ZC3H12B: variants seen among roughly 807,000 people sequenced by gnomAD.
ZC3H12B encodes the protein zinc finger CCCH-type containing 12B.
A neutral mutation model predicts 43.9 loss-of-function variants in ZC3H12B; 7 were observed. That is an observed-to-expected ratio of 0.16 (90% CI 0.09 to 0.30). The LOEUF is 0.30. Ranked by LOEUF, ZC3H12B falls within the 10% of genes least tolerant of loss-of-function variation. The pLI, the probability that ZC3H12B is intolerant of heterozygous loss-of-function variation, is 1.00. For synonymous variants in ZC3H12B, 222 were observed against 241.7 expected, an observed-to-expected ratio of 0.92 and a Z score of 0.76; for missense variants, 475 against 670.2, an observed-to-expected ratio of 0.71 and a Z score of 3.22.
rs570569015 is a variant in ZC3H12B at position 65,441,699 on chromosome X, C to T, written n.407+42995C>T. On this transcript the variant is annotated intron_variant and non_coding_transcript_variant, in intron 3 of 5. Coordinates refer to the ZC3H12B transcript ENST00000617377. ...AACTAGACCTTCCTAAAAGTAATCG[C>T]ATTGTCCCTGCTGGTAAGGGTCCAC... Among the ~76,000 whole-genome samples, 346 of 111,820 alleles carry T rather than the reference C, an allele frequency of 3.1e-3. 1 individual carries two copies. The highest frequency in any genetic ancestry group is 5.5e-3 in the Non-Finnish European group (292 of 53,175).
At chrX:65,111,631 C>T in the ZC3H12B span, among the ~76,000 whole-genome samples, 1 of 109,668 alleles carries the variant, frequency 9.1e-6, no homozygotes, top group African/African-American at 3.3e-5. Context: ...TTTCCAAAAG[C>T]ATGTGTTGCA....
the ZC3H12B span, among the ~76,000 whole-genome samples, chrX:65,332,061 G>T: frequency 9.0e-6 from 1 of 110,818 alleles, no homozygotes; most frequent in Non-Finnish European, 1.9e-5. Flanking sequence ...GCCTTATCCT[G>T]GGAATGCAGC....
At chrX:65,427,934 A>G (rs1395558629) in intron 3 of ZC3H12B, among the ~76,000 whole-genome samples, 2 of 111,695 alleles carry the variant, frequency 1.8e-5, no homozygotes, top group Non-Finnish European at 3.8e-5. Flanking sequence ...TGCTTCCTTC[A>G]TGAGCTCTTG....
chrX:65,463,768 C>T (rs770767648), intron 3 of ZC3H12B, among the ~76,000 whole-genome samples: 9 of 111,115 alleles, frequency 8.1e-5, no homozygotes, highest in Admixed American at 4.8e-4. Flanking sequence ...TTTCTTATCA[C>T]CACTCTAAGT....
intron 3 of ZC3H12B, among the ~76,000 whole-genome samples, chrX:65,482,908 C>G (rs1392491414): frequency 9.0e-6 from 1 of 111,697 alleles, no homozygotes; most frequent in East Asian, 2.8e-4. Context: ...TAATGAAAAT[C>G]AACAGACTCT....
chrX:65,332,597 C>A, the ZC3H12B span, among the ~76,000 whole-genome samples: 2 of 111,114 alleles, frequency 1.8e-5, no homozygotes, highest in African/African-American at 6.5e-5. Flanking sequence ...GATACTGATC[C>A]GGATTTTTAT....
intron 3 of ZC3H12B, among the ~76,000 whole-genome samples, chrX:65,434,013 T>C (rs1435838901): frequency 2.7e-5 from 3 of 112,162 alleles, no homozygotes; most frequent in Non-Finnish European, 5.6e-5. Context: ...ATCGATGCCA[T>C]AGATCCATGT....
At chrX:65,414,168 T>C (rs781525984) in intron 3 of ZC3H12B, among the ~76,000 whole-genome samples, 9 of 112,025 alleles carry the variant, frequency 8.0e-5, no homozygotes, top group African/African-American at 2.9e-4. Context: ...AGGAATATTG[T>C]TGTGTACTTT....
the ZC3H12B span, among the ~76,000 whole-genome samples, chrX:65,056,847 G>A: frequency 9.0e-6 from 1 of 110,943 alleles, no homozygotes; most frequent in Non-Finnish European, 1.9e-5. Flanking sequence ...TTATGTAATG[G>A]CCTTGTCTCT....
the ZC3H12B span, among the ~76,000 whole-genome samples, chrX:65,300,460 C>A: frequency 9.0e-6 from 1 of 111,388 alleles, no homozygotes; most frequent in African/African-American, 3.3e-5. Flanking sequence ...AATGCAATTT[C>A]ATCAGCCTGA....
the ZC3H12B span, among the ~76,000 whole-genome samples, chrX:65,149,829 GTAT>G: frequency 9.4e-6 from 1 of 105,874 alleles, no homozygotes; most frequent in Non-Finnish European, 1.9e-5. Context: ...TAAAAGTAAA[GTAT>G]TATGGGCATC....
chrX:65,056,633 C>T, the ZC3H12B span, among the ~76,000 whole-genome samples: 1 of 111,193 alleles, frequency 9.0e-6, no homozygotes, highest in Non-Finnish European at 1.9e-5. Context: ...GAGTTCATTT[C>T]CCGGATATCG....
At chrX:65,226,314 C>G in the ZC3H12B span, among the ~76,000 whole-genome samples, 8 of 111,000 alleles carry the variant, frequency 7.2e-5, no homozygotes, top group African/African-American at 2.6e-4. Context: ...TACAGACAAG[C>G]AAATGCTGAG....
chrX:65,246,174 A>G, the ZC3H12B span, among the ~76,000 whole-genome samples: 2 of 111,701 alleles, frequency 1.8e-5, no homozygotes, highest in Non-Finnish European at 3.8e-5. Context: ...TGCCACAAAA[A>G]GAATGAAATA....
the ZC3H12B span, among the ~76,000 whole-genome samples, chrX:65,325,907 A>G: frequency 8.9e-6 from 1 of 111,771 alleles, no homozygotes; most frequent in Non-Finnish European, 1.9e-5. Context: ...ACACACATAT[A>G]TGGTCTATTG....
the ZC3H12B span, among the ~76,000 whole-genome samples, chrX:65,236,633 C>T: frequency 3.6e-5 from 4 of 111,654 alleles, no homozygotes; most frequent in Non-Finnish European, 7.5e-5. Context: ...ATGCCTATTT[C>T]CTGAATGGTA....
the ZC3H12B span, among the ~76,000 whole-genome samples, chrX:65,061,355 C>T: frequency 1.3e-4 from 15 of 111,138 alleles, no homozygotes; most frequent in South Asian, 7.6e-4. Context: ...TGTGATGTTC[C>T]GCTCCCTTTG....
chrX:65,405,116 A>G (rs2066807099), intron 3 of ZC3H12B, among the ~76,000 whole-genome samples: 1 of 112,266 alleles, frequency 8.9e-6, no homozygotes, highest in African/African-American at 3.2e-5. Context: ...GGGTCGATGA[A>G]ACAATTTTTG....
chrX:65,414,893 C>T (rs1009742857), intron 3 of ZC3H12B, among the ~76,000 whole-genome samples: 1 of 112,035 alleles, frequency 8.9e-6, no homozygotes, highest in Non-Finnish European at 1.9e-5. Flanking sequence ...GAGTCAAACT[C>T]GTAAAATGTT....
Sources: gnomAD v4.1 joint callset for allele counts (sites outside exome capture counted in the v4.1 genomes callset) on GRCh38, gnomAD v4.1.1 for gene constraint, MANE v1.5 for transcripts, NCBI Gene and HGNC (gene_info 2026-07-23, HGNC 2026-07-21) for gene names.